GRIA1: variants seen among roughly 807,000 people sequenced by gnomAD.
The protein encoded by GRIA1 is glutamate receptor 1.
A neutral mutation model predicts 99.2 loss-of-function variants in GRIA1; 31 were observed. That is an observed-to-expected ratio of 0.31 (90% CI 0.23 to 0.42). The LOEUF (loss-of-function observed/expected upper bound fraction) is 0.42, where lower values mean the gene tolerates loss of function less well. GRIA1 is among the 10% of genes least tolerant of loss of function. The pLI is 1.00. For missense variants in GRIA1, 782 were observed against 1,157.5 expected, an observed-to-expected ratio of 0.68 and a Z score of 4.71; for synonymous variants, 438 against 432.4, an observed-to-expected ratio of 1.01 and a Z score of -0.16.
intron 11 of GRIA1, among the ~76,000 whole-genome samples, chr5:153,732,318 C>T (rs1761093365): frequency 6.6e-6 from 1 of 152,008 alleles, no homozygotes; most frequent in African/African-American, 2.4e-5. Context: ...GCTGTAATGG[C>T]TATACCAATT....
intron 2 of GRIA1, chr5:153,558,170 C>T (rs1359588009): frequency 6.6e-6 from 1 of 152,024 alleles, no homozygotes; most frequent in South Asian, 2.1e-4. Context: ...CCATTATAAT[C>T]TTATGGGACC....
intron 11 of GRIA1, among the ~76,000 whole-genome samples, chr5:153,745,589 C>CAAAAAAAAAAAAAAAAAAAA (rs58166158): frequency 3.0e-5 from 3 of 100,896 alleles, no homozygotes; most frequent in Non-Finnish European, 4.0e-5. Context: ...AACTCTGTCT[C>CAAAAAAAAAAAAAAAAAAAA]AAAAAAAAAA....
chr5:153,625,671 G>T (rs1247484076), intron 2 of GRIA1, among the ~76,000 whole-genome samples: 1 of 152,180 alleles, frequency 6.6e-6, no homozygotes, highest in East Asian at 1.9e-4. Context: ...ATTTATTTAT[G>T]AAAAGTCAGA....
chr5:153,598,306 T>C (rs1764597214), intron 2 of GRIA1, among the ~76,000 whole-genome samples: 1 of 152,204 alleles, frequency 6.6e-6, no homozygotes, highest in South Asian at 2.1e-4. Context: ...TTGATTCTGA[T>C]GGTTTCAGAA....
chr5:153,777,980 C>A (rs1764371450), intron 13 of GRIA1, among the ~76,000 whole-genome samples: 1 of 152,096 alleles, frequency 6.6e-6, no homozygotes, highest in South Asian at 2.1e-4. Context: ...ACTCTGTGAC[C>A]CAGGTCGGGC....
At chr5:153,565,682 A>G (rs1337768565) in intron 2 of GRIA1, among the ~76,000 whole-genome samples, 1 of 152,116 alleles carries the variant, frequency 6.6e-6, no homozygotes, top group African/African-American at 2.4e-5. Context: ...ACCATTTTCT[A>G]TATATGAAAT....
At chr5:153,587,999 T>C (rs951280634) in intron 2 of GRIA1, among the ~76,000 whole-genome samples, 3 of 152,138 alleles carry the variant, frequency 2.0e-5, no homozygotes, top group Admixed American at 2.0e-4. Flanking sequence ...AATCTTAGGT[T>C]CTAAAAAATG....
Position 153,592,959 on chromosome 5 carries a change from G to A in GRIA1, c.221-53969G>A, listed in dbSNP as rs569650046. Among the ~76,000 whole-genome samples, 20 of 152,140 alleles carry A rather than the reference G, an allele frequency of 1.3e-4. 2 individuals carry two copies. The highest frequency in any genetic ancestry group is 4.8e-4 in the African/African-American group (20 of 41,518). On this transcript the variant is annotated intron_variant, in intron 2 of 15. Coordinates refer to ENST00000285900, the MANE Select transcript of GRIA1 (RefSeq NM_000827.4). ...AGTCTCATCATGGGGCTCCACCCTCGTGACCTCTTCTAAATCTGATTAACT... is the reference window on the plus strand; with the variant it reads ...AGTCTCATCATGGGGCTCCACCCTCATGACCTCTTCTAAATCTGATTAACT...
intron 2 of GRIA1, among the ~76,000 whole-genome samples, chr5:153,541,928 C>CAAAAA (rs57442019): frequency 3.1e-5 from 3 of 97,426 alleles, no homozygotes; most frequent in Admixed American, 2.9e-4. Context: ...GATCCTGTTT[C>CAAAAA]AAAAAAAAAA....
chr5:153,719,891 G>A (rs1226434267), intron 11 of GRIA1, among the ~76,000 whole-genome samples: 1 of 152,162 alleles, frequency 6.6e-6, no homozygotes, highest in East Asian at 1.9e-4. Flanking sequence ...AAAGGGCTTA[G>A]CATGGTGCTG....
chr5:153,722,768 G>C (rs553425947), intron 11 of GRIA1, among the ~76,000 whole-genome samples: 1 of 152,164 alleles, frequency 6.6e-6, no homozygotes, highest in Non-Finnish European at 1.5e-5. Context: ...ATGGGGTACG[G>C]GGTGTAGAAG....
At chr5:153,760,134 C>G (rs1763084475) in intron 11 of GRIA1, among the ~76,000 whole-genome samples, 1 of 152,000 alleles carries the variant, frequency 6.6e-6, no homozygotes, top group Admixed American at 6.6e-5. Context: ...AGATATGGAA[C>G]TAGACGAGGA....
At chr5:153,704,192 G>A (rs1430775252) in intron 10 of GRIA1, among the ~76,000 whole-genome samples, 3 of 152,238 alleles carry the variant, frequency 2.0e-5, no homozygotes, top group Non-Finnish European at 4.4e-5. Context: ...AAATCTCTAA[G>A]CAACAGCCAA....
chr5:153,748,198 A>G (rs1364023022), intron 11 of GRIA1, among the ~76,000 whole-genome samples: 1 of 152,158 alleles, frequency 6.6e-6, no homozygotes, highest in Non-Finnish European at 1.5e-5. Context: ...GAAAAAAATA[A>G]GAGAAAAGAT....
At chr5:153,537,222 C>A (rs1389828924) in intron 2 of GRIA1, among the ~76,000 whole-genome samples, 1 of 152,168 alleles carries the variant, frequency 6.6e-6, no homozygotes, top group South Asian at 2.1e-4. Flanking sequence ...TCCTCCATAT[C>A]CCTGGCTCCT....
chr5:153,768,397 G>C (rs1763658159), intron 12 of GRIA1, among the ~76,000 whole-genome samples: 1 of 152,108 alleles, frequency 6.6e-6, no homozygotes, highest in Non-Finnish European at 1.5e-5. Context: ...AAAGAGAAGG[G>C]ACTCTCCATA....
At chr5:153,626,452 G>C (rs1308750646) in intron 2 of GRIA1, among the ~76,000 whole-genome samples, 3 of 100,724 alleles carry the variant, frequency 3.0e-5, no homozygotes, top group Non-Finnish European at 4.1e-5. Context: ...GTCTGTGTGT[G>C]TGTGTGTGTG....
At chr5:153,694,246 T>A (rs1180457026) in intron 8 of GRIA1, among the ~76,000 whole-genome samples, 1 of 152,176 alleles carries the variant, frequency 6.6e-6, no homozygotes, top group Non-Finnish European at 1.5e-5. Context: ...ACATCTGGCT[T>A]ACACAGATTC....
At chr5:153,701,619 C>CAAGAAAAAAAA (rs1758526250) in intron 10 of GRIA1, among the ~76,000 whole-genome samples, 1 of 39,426 alleles carries the variant, frequency 2.5e-5, no homozygotes, top group African/African-American at 9.2e-5. Flanking sequence ...AGACCCGTCT[C>CAAGAAAAAAAA]AAAAAAAAAA....
Sources: allele counts gnomAD v4.1 joint callset (sites outside exome capture counted in the v4.1 genomes callset), GRCh38; gene constraint gnomAD v4.1.1; transcripts MANE v1.5; gene names NCBI Gene and HGNC (gene_info 2026-07-23, HGNC 2026-07-21).